The following MBOAT2 variants were observed in gnomAD, a reference collection of about 807,000 sequenced individuals.
MBOAT2 encodes membrane-bound glycerophospholipid O-acyltransferase 2.
Under a neutral mutation model 63.4 loss-of-function variants are expected in MBOAT2, and 28 were observed. The observed-to-expected ratio is 0.44, with a 90% CI of 0.33 to 0.61. The LOEUF (loss-of-function observed/expected upper bound fraction) is 0.61. MBOAT2 is among the 20% of genes least tolerant of loss of function. MBOAT2 has a pLI of 0.03. For synonymous variants in MBOAT2, 211 were observed against 215.6 expected (o/e 0.98, Z 0.19); for missense variants, 470 against 605.8 (o/e 0.78, Z 2.35).
At chr2:8,923,395 C>T (rs1666720623) in intron 3 of MBOAT2, among the ~76,000 whole-genome samples, 1 of 152,184 alleles carries the variant, frequency 6.6e-6, no homozygotes, top group Non-Finnish European at 1.5e-5. Context: ...CCACCTGAGA[C>T]CTCCTCCCAG....
Position 8,854,124 on chromosome 2 carries a change from T to C in MBOAT2, c.*4555A>G, listed in dbSNP as rs1368995731. Reference sequence around the variant, plus strand: ...AAATTTCTGTTGTAATCAGAGTTTCTATAAATAGATTTGACTACTTGGTGT... The same window carrying C: ...AAATTTCTGTTGTAATCAGAGTTTCCATAAATAGATTTGACTACTTGGTGT... On this transcript the variant is annotated 3_prime_UTR_variant, in exon 13 of 13. Transcript: ENST00000305997. 6.6e-6 allele frequency: 1 copy of C among 152,218 alleles called. No individual in the cohort carries two copies. Among genetic ancestry groups the C allele is most frequent in the Admixed American group, 6.5e-5 (1 of 15,286 alleles). 9.4% of individuals were successfully genotyped at this position (152,218 alleles called of 1,614,324 possible).
chr2:8,929,244 A>G (rs1667141824), intron 3 of MBOAT2, among the ~76,000 whole-genome samples: 1 of 152,236 alleles, frequency 6.6e-6, no homozygotes, highest in Non-Finnish European at 1.5e-5. Context: ...AGAAAGTACT[A>G]TTACTAATTA....
chr2:8,938,515 G>C (rs1667819464), intron 3 of MBOAT2, among the ~76,000 whole-genome samples: 3 of 151,026 alleles, frequency 2.0e-5, no homozygotes, highest in Admixed American at 2.0e-4. Context: ...CACATTTTAT[G>C]CTGCCACGTT....
At chr2:8,988,266 G>C (rs1671697210) in intron 1 of MBOAT2, among the ~76,000 whole-genome samples, 1 of 152,082 alleles carries the variant, frequency 6.6e-6, no homozygotes, top group Admixed American at 6.6e-5. Context: ...GTGACCATCT[G>C]ATAGCCTAAA....
intron 4 of MBOAT2, among the ~76,000 whole-genome samples, chr2:8,892,354 G>A (rs1210291338): frequency 1.3e-5 from 2 of 152,068 alleles, no homozygotes; most frequent in East Asian, 1.9e-4. Flanking sequence ...AAGATCCACT[G>A]ACACCAAGTA....
At chr2:8,871,517 G>T (rs1415053391) in intron 8 of MBOAT2, among the ~76,000 whole-genome samples, 1 of 152,114 alleles carries the variant, frequency 6.6e-6, no homozygotes, top group Admixed American at 6.5e-5. Context: ...GTTTGTTTAG[G>T]AAAGTTCTCA....
At chr2:8,913,824 T>A (rs967219014) in intron 3 of MBOAT2, among the ~76,000 whole-genome samples, 3 of 151,252 alleles carry the variant, frequency 2.0e-5, no homozygotes, top group African/African-American at 7.3e-5. Context: ...CTACTGGGTA[T>A]CTACCCAGAG....
At chr2:8,981,739 T>C (rs1434115614) in intron 1 of MBOAT2, among the ~76,000 whole-genome samples, 1 of 152,176 alleles carries the variant, frequency 6.6e-6, no homozygotes, top group African/African-American at 2.4e-5. Context: ...GTGTTTATTG[T>C]TGGACTATGT....
Position 8,959,543 on chromosome 2 carries a change from C to G in MBOAT2, c.76-901G>C, listed in dbSNP as rs565924591. On this transcript the variant is annotated intron_variant, in intron 1 of 12. Transcript: ENST00000305997. ...GTGGTGAAATCACAGCTCACTGCAGCCTCTACCTCCCGGGCTCGGGCAATT... is the reference window on the plus strand; with the variant it reads ...GTGGTGAAATCACAGCTCACTGCAGGCTCTACCTCCCGGGCTCGGGCAATT... Among the ~76,000 whole-genome samples, 174 of 151,792 alleles carry G rather than the reference C, an allele frequency of 1.1e-3. 1 individual carries two copies. The highest frequency in any genetic ancestry group is 4.2e-3 in the African/African-American group (172 of 41,370).
intron 7 of MBOAT2, among the ~76,000 whole-genome samples, chr2:8,874,290 A>C (rs1176295287): frequency 6.6e-6 from 1 of 152,210 alleles, no homozygotes; most frequent in African/African-American, 2.4e-5. Flanking sequence ...TCCTTGCAGC[A>C]GTTGTTATTC....
At chr2:8,983,613 A>G (rs1671351383) in intron 1 of MBOAT2, among the ~76,000 whole-genome samples, 1 of 152,210 alleles carries the variant, frequency 6.6e-6, no homozygotes, top group African/African-American at 2.4e-5. Context: ...ATGATTCCAA[A>G]CTGGACCCTG....
At chr2:8,965,917 G>A (rs1558663784) in intron 1 of MBOAT2, among the ~76,000 whole-genome samples, 2 of 151,966 alleles carry the variant, frequency 1.3e-5, no homozygotes, top group African/African-American at 2.4e-5. Context: ...TCAATATAGC[G>A]CAAAGTGATT....
intron 2 of MBOAT2, among the ~76,000 whole-genome samples, chr2:8,955,040 G>C (rs981600093): frequency 3.9e-5 from 6 of 152,298 alleles, no homozygotes; most frequent in African/African-American, 1.4e-4. Flanking sequence ...TTGCAATGGA[G>C]GAAAGCACAA....
At chr2:8,940,366 A>G (rs1667967569) in intron 3 of MBOAT2, among the ~76,000 whole-genome samples, 1 of 151,956 alleles carries the variant, frequency 6.6e-6, no homozygotes, top group Non-Finnish European at 1.5e-5. Flanking sequence ...ATCTTGGCTC[A>G]CTGCAACCTC....
At chr2:8,896,029 A>C (rs1664441205) in intron 4 of MBOAT2, among the ~76,000 whole-genome samples, 1 of 152,050 alleles carries the variant, frequency 6.6e-6, no homozygotes, top group Admixed American at 6.6e-5. Flanking sequence ...CGAGGTCAGA[A>C]GATCGAGACC....
At chr2:8,963,642 G>A (rs1669784142) in intron 1 of MBOAT2, among the ~76,000 whole-genome samples, 1 of 152,122 alleles carries the variant, frequency 6.6e-6, no homozygotes, top group Non-Finnish European at 1.5e-5. Flanking sequence ...AAAATGTGGT[G>A]AAAATAATTA....
intron 2 of MBOAT2, among the ~76,000 whole-genome samples, chr2:8,945,208 G>A (rs185518474): frequency 2.7e-3 from 409 of 152,284 alleles, no homozygotes; most frequent in African/African-American, 9.6e-3. Context: ...CTTCGTTGCT[G>A]CAACAATCCA....
intron 2 of MBOAT2, among the ~76,000 whole-genome samples, chr2:8,958,042 T>C (rs1462937698): frequency 3.9e-5 from 6 of 151,908 alleles, no homozygotes; most frequent in Admixed American, 6.6e-5. Flanking sequence ...AACAGACAAA[T>C]GAACAAACAA....
chr2:8,929,060 T>C (rs957044421), intron 3 of MBOAT2, among the ~76,000 whole-genome samples: 4 of 150,978 alleles, frequency 2.6e-5, no homozygotes, highest in Admixed American at 2.0e-4. Flanking sequence ...AGTGGGGAGG[T>C]GGGAAATTTT....
Sources: allele counts gnomAD v4.1 joint callset (sites outside exome capture counted in the v4.1 genomes callset), GRCh38; gene constraint gnomAD v4.1.1; transcripts MANE v1.5; gene names NCBI Gene and HGNC (gene_info 2026-07-23, HGNC 2026-07-21).